SLC24A2: variants seen among roughly 807,000 people sequenced by gnomAD.
The protein encoded by SLC24A2 is sodium/potassium/calcium exchanger 2.
A neutral mutation model predicts 62.0 loss-of-function variants in SLC24A2; 36 were observed. The ratio of observed to expected loss-of-function variants is 0.58; its 90% CI spans 0.44 to 0.77. The LOEUF (loss-of-function observed/expected upper bound fraction) is 0.77. SLC24A2 is among the 30% of genes least tolerant of loss of function. The probability of loss-of-function intolerance (pLI) is 0.00; values close to 1 mark genes in which losing one functional copy is unlikely to be tolerated. For missense variants in SLC24A2, 846 were observed against 817.9 expected, an observed-to-expected ratio of 1.03 and a Z score of -0.42; for synonymous variants, 358 against 294.0, an observed-to-expected ratio of 1.22 and a Z score of -2.23.
At chr9:20,212,264 T>G in the SLC24A2 span, among the ~76,000 whole-genome samples, 18,233 of 151,670 alleles carry the variant, frequency 0.12, 1,304 homozygotes, top group Middle Eastern at 0.19. Flanking sequence ...AACAAAGATG[T>G]GAGTTAAGAA....
chr9:19,743,012 T>C (rs759217978), intron 2 of SLC24A2, among the ~76,000 whole-genome samples: 2 of 152,208 alleles, frequency 1.3e-5, no homozygotes, highest in Non-Finnish European at 2.9e-5. Flanking sequence ...ATCCTTATGT[T>C]ACTGTTTCGA....
chr9:19,674,486 C>T (rs948048046), intron 2 of SLC24A2, among the ~76,000 whole-genome samples: 1 of 152,184 alleles, frequency 6.6e-6, no homozygotes, highest in Non-Finnish European at 1.5e-5. Flanking sequence ...TTTCTCTTCT[C>T]CTTCAGGAAC....
At chr9:20,279,815 C>T in the SLC24A2 span, among the ~76,000 whole-genome samples, 4 of 152,114 alleles carry the variant, frequency 2.6e-5, no homozygotes, top group East Asian at 1.9e-4. Flanking sequence ...GTGTTCCTTC[C>T]GGTGGTTTGC....
chr9:20,109,803 C>T, the SLC24A2 span, among the ~76,000 whole-genome samples: 1 of 152,070 alleles, frequency 6.6e-6, no homozygotes, highest in Admixed American at 6.6e-5. Flanking sequence ...AACCCAAGGG[C>T]GTGGTCTAGA....
the SLC24A2 span, among the ~76,000 whole-genome samples, chr9:19,799,052 TCTA>T: frequency 1.3e-5 from 2 of 152,308 alleles, no homozygotes; most frequent in Middle Eastern, 3.4e-3. Flanking sequence ...TCTACACTAT[TCTA>T]CTAACTCTTT....
At chr9:19,718,719 G>A (rs191938964) in intron 2 of SLC24A2, among the ~76,000 whole-genome samples, 12 of 152,192 alleles carry the variant, frequency 7.9e-5, no homozygotes, top group African/African-American at 2.4e-4. Flanking sequence ...ACTAGACCTC[G>A]ACATGAATCT....
intron 2 of SLC24A2, among the ~76,000 whole-genome samples, chr9:19,708,394 G>T (rs571478904): frequency 1.7e-4 from 26 of 152,044 alleles, no homozygotes; most frequent in African/African-American, 6.3e-4. Flanking sequence ...TCACAGAATT[G>T]GAAAAAACTA....
At chr9:19,587,935 G>C (rs1457884488) in intron 5 of SLC24A2, among the ~76,000 whole-genome samples, 1 of 152,142 alleles carries the variant, frequency 6.6e-6, no homozygotes, top group Non-Finnish European at 1.5e-5. Context: ...TGAAAAGCTG[G>C]ATGTATTCTA....
chr9:20,200,385 C>G, the SLC24A2 span, among the ~76,000 whole-genome samples: 3 of 152,186 alleles, frequency 2.0e-5, no homozygotes, highest in East Asian at 5.8e-4. Context: ...AGAAACCATT[C>G]CTATACTGAT....
chr9:19,856,607 A>C, the SLC24A2 span, among the ~76,000 whole-genome samples: 10 of 152,022 alleles, frequency 6.6e-5, no homozygotes, highest in African/African-American at 2.4e-4. Context: ...TCCCTCTTGC[A>C]CTGGGAGGTG....
At chr9:20,126,758 A>G in the SLC24A2 span, among the ~76,000 whole-genome samples, 12 of 152,160 alleles carry the variant, frequency 7.9e-5, no homozygotes, top group Non-Finnish European at 1.8e-4. Flanking sequence ...GTTCATGCAT[A>G]TCCTTAATTC....
chr9:20,085,008 T>C, the SLC24A2 span, among the ~76,000 whole-genome samples: 1 of 152,248 alleles, frequency 6.6e-6, no homozygotes, highest in East Asian at 1.9e-4. Context: ...TGTTTTGTTT[T>C]GCTTTGAGAC....
chr9:19,529,750 C>G (rs1398171214), intron 8 of SLC24A2, among the ~76,000 whole-genome samples: 1 of 137,204 alleles, frequency 7.3e-6, no homozygotes, highest in South Asian at 2.8e-4. Flanking sequence ...TGGAGACCTT[C>G]GTTTTTTTTT....
the SLC24A2 span, among the ~76,000 whole-genome samples, chr9:20,092,695 T>C: frequency 1.3e-5 from 2 of 152,234 alleles, no homozygotes; most frequent in South Asian, 4.1e-4. Context: ...TGTTAATTAA[T>C]GCATTCATCA....
At chr9:20,191,399 T>A in the SLC24A2 span, among the ~76,000 whole-genome samples, 1 of 152,018 alleles carries the variant, frequency 6.6e-6, no homozygotes, top group Admixed American at 6.6e-5. Flanking sequence ...AATGGTGCCT[T>A]CCCGTGCCAG....
the SLC24A2 span, among the ~76,000 whole-genome samples, chr9:20,177,752 A>G: frequency 6.6e-6 from 1 of 152,178 alleles, no homozygotes; most frequent in East Asian, 1.9e-4. Context: ...GAAAACTAGT[A>G]TCTATTGAGA....
chr9:19,567,690 C>CAAAA (rs113815958), intron 7 of SLC24A2, among the ~76,000 whole-genome samples: 81 of 142,512 alleles, frequency 5.7e-4, no homozygotes, highest in Non-Finnish European at 9.1e-4. Context: ...TTAAAATAAC[C>CAAAA]AAAAAAAAAA....
the SLC24A2 span, among the ~76,000 whole-genome samples, chr9:20,197,624 G>A: frequency 2.0e-5 from 3 of 151,874 alleles, no homozygotes; most frequent in African/African-American, 7.3e-5. Flanking sequence ...GAGAGACAGG[G>A]TTTTACCGTG....
At chr9:20,100,309 C>T in the SLC24A2 span, among the ~76,000 whole-genome samples, 4 of 152,302 alleles carry the variant, frequency 2.6e-5, no homozygotes, top group East Asian at 7.7e-4. Context: ...CATACACCCA[C>T]CTTGGCCTTC....
Sources: gnomAD v4.1 joint callset for allele counts (sites outside exome capture counted in the v4.1 genomes callset) on GRCh38, gnomAD v4.1.1 for gene constraint, MANE v1.5 for transcripts, NCBI Gene and HGNC (gene_info 2026-07-23, HGNC 2026-07-21) for gene names.